The following UMAD1 variants were observed in gnomAD, a reference collection of about 807,000 sequenced individuals.
The protein encoded by UMAD1 is UBAP1-MVB12-associated (UMA) domain containing 1.
Under a neutral mutation model 6.1 loss-of-function variants are expected in UMAD1, and 8 were observed. The ratio of observed to expected loss-of-function variants is 1.30; its 90% CI spans 0.76 to 2.35. The LOEUF is 2.35. UMAD1 is among the 30% of genes most tolerant of loss of function. The pLI is 0.00. For synonymous variants in UMAD1, 56 were observed against 31.4 expected, an observed-to-expected ratio of 1.78 and a Z score of -2.61; for missense variants, 130 against 78.4, an observed-to-expected ratio of 1.66 and a Z score of -2.49.
intron 3 of UMAD1, among the ~76,000 whole-genome samples, chr7:7,805,441 G>A (rs368653930): frequency 8.1e-4 from 123 of 152,076 alleles, no homozygotes; most frequent in Middle Eastern, 3.4e-3. Context: ...CTCTATATCC[G>A]GAATGTGACT....
intron 3 of UMAD1, among the ~76,000 whole-genome samples, chr7:7,876,304 C>T (rs1784418229): frequency 6.6e-6 from 1 of 152,112 alleles, no homozygotes. Flanking sequence ...AGGAATAGGC[C>T]AGGGCACACG....
intron 2 of UMAD1, among the ~76,000 whole-genome samples, chr7:7,686,785 A>G (rs1780051554): frequency 6.6e-6 from 1 of 152,140 alleles, no homozygotes; most frequent in South Asian, 2.1e-4. Context: ...AGGTGTGAAG[A>G]TTATGATGAA....
chr7:7,803,355 G>T (rs1366937325), intron 3 of UMAD1, among the ~76,000 whole-genome samples: 1 of 152,124 alleles, frequency 6.6e-6, no homozygotes, highest in Non-Finnish European at 1.5e-5. Flanking sequence ...CATGCCTGTA[G>T]TCCCAGCTAC....
At chr7:7,714,366 C>G (rs978270105) in intron 2 of UMAD1, among the ~76,000 whole-genome samples, 1 of 152,106 alleles carries the variant, frequency 6.6e-6, no homozygotes, top group Non-Finnish European at 1.5e-5. Flanking sequence ...GCTGTTTGCT[C>G]CTAAATGTAT....
intron 1 of UMAD1, among the ~76,000 whole-genome samples, chr7:7,655,458 G>C (rs1476176722): frequency 1.3e-5 from 2 of 152,178 alleles, no homozygotes; most frequent in African/African-American, 4.8e-5. Context: ...CCTATACAGT[G>C]AAGTTCTCTG....
intron 2 of UMAD1, among the ~76,000 whole-genome samples, chr7:7,777,499 C>G (rs1392081736): frequency 3.7e-5 from 4 of 108,854 alleles, no homozygotes; most frequent in Non-Finnish European, 5.5e-5. Context: ...GTGTGAGACT[C>G]CATCTCAAAA....
At chr7:7,731,013 G>A (rs1781238713) in intron 2 of UMAD1, among the ~76,000 whole-genome samples, 1 of 152,126 alleles carries the variant, frequency 6.6e-6, no homozygotes, top group African/African-American at 2.4e-5. Flanking sequence ...TTGTTTGTTT[G>A]TTTGACATGG....
At chr7:7,659,833 C>T (rs186841369) in intron 1 of UMAD1, among the ~76,000 whole-genome samples, 42 of 152,134 alleles carry the variant, frequency 2.8e-4, no homozygotes, top group African/African-American at 1.0e-3. Flanking sequence ...GGTCCAGAGC[C>T]AAGTTCAAGT....
In UMAD1 at chr7:7,827,675, A is replaced by G. The variant is rs527843564; in HGVS notation, c.156+25932A>G. ...AATAGTAAGATATAACTTCTAGTTC[A>G]TTATTTAATAGTAAACAAATTAAGT... On this transcript the variant is annotated intron_variant, in intron 3 of 3. Coordinates refer to ENST00000682710, the MANE Select transcript of UMAD1 (RefSeq NM_001302348.2). Among the ~76,000 whole-genome samples, 4 of 152,314 alleles carry G rather than the reference A, an allele frequency of 2.6e-5. No individual in the cohort carries two copies. In the South Asian group the frequency reaches 8.3e-4, roughly 32 times the overall value.
chr7:7,786,010 AC>A (rs1392462367), intron 2 of UMAD1, among the ~76,000 whole-genome samples: 1 of 152,240 alleles, frequency 6.6e-6, no homozygotes, highest in East Asian at 1.9e-4. Flanking sequence ...TTAAAAGGTC[AC>A]AAAAACAGTA....
chr7:7,812,531 T>A (rs1783039600), intron 3 of UMAD1, among the ~76,000 whole-genome samples: 1 of 152,208 alleles, frequency 6.6e-6, no homozygotes, highest in Non-Finnish European at 1.5e-5. Context: ...TTACTGCAGT[T>A]TGTGGAGATA....
intron 2 of UMAD1, among the ~76,000 whole-genome samples, chr7:7,789,978 C>T (rs1409065432): frequency 6.6e-6 from 1 of 152,090 alleles, no homozygotes; most frequent in Non-Finnish European, 1.5e-5. Context: ...ACTTAGTGAG[C>T]CCCAATCTTC....
At chr7:7,751,066 T>C (rs1781668180) in intron 2 of UMAD1, among the ~76,000 whole-genome samples, 1 of 152,322 alleles carries the variant, frequency 6.6e-6, no homozygotes, top group Non-Finnish European at 1.5e-5. Flanking sequence ...TTTATCCATT[T>C]GATATTATGC....
At chr7:7,759,508 C>T (rs1415703807) in intron 2 of UMAD1, among the ~76,000 whole-genome samples, 1 of 152,192 alleles carries the variant, frequency 6.6e-6, no homozygotes, top group Non-Finnish European at 1.5e-5. Flanking sequence ...GGGCTTACAG[C>T]ATTCTATTTT....
chr7:7,870,614 C>T (rs1307441264), intron 3 of UMAD1, among the ~76,000 whole-genome samples: 1 of 152,190 alleles, frequency 6.6e-6, no homozygotes, highest in East Asian at 1.9e-4. Flanking sequence ...CAGCCCCCAC[C>T]ACTGCTTCCA....
At chr7:7,839,309 T>C (rs1783631176) in intron 3 of UMAD1, among the ~76,000 whole-genome samples, 1 of 152,104 alleles carries the variant, frequency 6.6e-6, no homozygotes, top group Non-Finnish European at 1.5e-5. Context: ...TCTCCTGGGC[T>C]CTGCCAGTCC....
intron 2 of UMAD1, among the ~76,000 whole-genome samples, chr7:7,681,642 C>T (rs1282658279): frequency 6.6e-6 from 1 of 152,092 alleles, no homozygotes; most frequent in Non-Finnish European, 1.5e-5. Context: ...ACTCATTTTA[C>T]ACAAAAACAA....
intron 2 of UMAD1, chr7:7,740,573 A>G (rs1341423556): frequency 6.6e-6 from 1 of 152,192 alleles, no homozygotes; most frequent in Non-Finnish European, 1.5e-5. Flanking sequence ...TTAGTGAACA[A>G]ATTCAAGTAG....
At chr7:7,715,937 A>G (rs1780890804) in intron 2 of UMAD1, among the ~76,000 whole-genome samples, 1 of 152,214 alleles carries the variant, frequency 6.6e-6, no homozygotes, top group Non-Finnish European at 1.5e-5. Flanking sequence ...AAAATCCTTA[A>G]TTACAAGGAG....
Sources: gnomAD v4.1 joint callset for allele counts (sites outside exome capture counted in the v4.1 genomes callset) on GRCh38, gnomAD v4.1.1 for gene constraint, MANE v1.5 for transcripts, NCBI Gene and HGNC (gene_info 2026-07-23, HGNC 2026-07-21) for gene names.